Variants in MYO9B observed in about 807,000 individuals in gnomAD.
The protein encoded by MYO9B is myosin IXB.
A neutral mutation model predicts 229.5 loss-of-function variants in MYO9B; 71 were observed. The ratio of observed to expected loss-of-function variants is 0.31; its 90% CI spans 0.26 to 0.38. The LOEUF is 0.38. MYO9B is among the 10% of genes least tolerant of loss of function. MYO9B has a pLI of 1.00. For missense variants in MYO9B, 2,255 were observed against 2,920.5 expected, an observed-to-expected ratio of 0.77 and a Z score of 5.25; for synonymous variants, 1,185 against 1,235.8, an observed-to-expected ratio of 0.96 and a Z score of 0.86.
chr19:17,168,067 G>A lies in MYO9B; in HGVS notation c.1793+3G>A. 1 of 1,612,430 alleles carries A rather than the reference G, an allele frequency of 6.2e-7. No individual in the cohort carries two copies. The highest frequency in any genetic ancestry group is 1.1e-5 in the South Asian group (1 of 90,710). On this transcript the variant is annotated splice_donor_region_variant and intron_variant, in intron 11 of 39. Coordinates refer to ENST00000682292, the MANE Select transcript of MYO9B (RefSeq NM_004145.4). ...TACCTGCTGGACGAGGAGAGCAAGT[G>A]AGTGTCCACACCCCGTCCATCCCGG...
chr19:17,103,992 G>T (rs1599326164), intron 2 of MYO9B, among the ~76,000 whole-genome samples: 1 of 150,818 alleles, frequency 6.6e-6, no homozygotes, highest in Non-Finnish European at 1.5e-5. Context: ...GTAGGTGGAG[G>T]TTGCAGTGAG....
At chr19:17,109,112 C>T (rs938641174) in intron 2 of MYO9B, among the ~76,000 whole-genome samples, 1 of 151,016 alleles carries the variant, frequency 6.6e-6, no homozygotes, top group African/African-American at 2.4e-5. Context: ...TGTCTCCGGG[C>T]TGGAGTGCAG....
chr19:17,157,481 C>T (rs2072549831), intron 7 of MYO9B: 1 of 160,400 alleles, frequency 6.2e-6, no homozygotes, highest in Admixed American at 6.2e-5. Flanking sequence ...ATCACTTGAA[C>T]CTGGGAGGCA....
Position 17,157,084 on chromosome 19 carries a change from G to T in MYO9B, c.1329+46G>T, listed in dbSNP as rs377604584. The T allele has an allele frequency of 2.5e-5, 39 of 1,588,862 alleles. No individual in the cohort carries two copies. In the African/African-American group the frequency reaches 4.7e-4, roughly 19 times the overall value. On this transcript the variant is annotated intron_variant, in intron 7 of 39. Coordinates refer to ENST00000682292, the MANE Select transcript of MYO9B (RefSeq NM_004145.4). ...CCCTTCTCAGGCCTGGCTCAGGGCC[G>T]CTGGCTATCTCTCAGTACGAGGGAC...
At chr19:17,087,374 T>C (rs2057593125) in intron 1 of MYO9B, among the ~76,000 whole-genome samples, 1 of 152,168 alleles carries the variant, frequency 6.6e-6, no homozygotes, top group Non-Finnish European at 1.5e-5. Flanking sequence ...AGGGACAAAC[T>C]GAACACGTTC....
At chr19:17,198,544 G>C (rs2073072228) in intron 24 of MYO9B, among the ~76,000 whole-genome samples, 1 of 152,078 alleles carries the variant, frequency 6.6e-6, no homozygotes, top group Non-Finnish European at 1.5e-5. Flanking sequence ...AGACCAACCA[G>C]GCCAACATGG....
intron 3 of MYO9B, among the ~76,000 whole-genome samples, chr19:17,146,259 A>G (rs186855258): frequency 6.6e-6 from 1 of 151,588 alleles, no homozygotes; most frequent in East Asian, 1.9e-4. Flanking sequence ...GGATGGATGC[A>G]TTCATGAGTG....
chr19:17,160,648 C>T (rs2072589701), intron 8 of MYO9B, among the ~76,000 whole-genome samples: 1 of 151,742 alleles, frequency 6.6e-6, no homozygotes, highest in African/African-American at 2.4e-5. Context: ...GCTGGGATTA[C>T]AGGTGTGCGC....
At position 17,212,099 on chromosome 19, in the gene MYO9B, G is replaced by T; in HGVS notation, c.6263G>T (p.Arg2088Leu). 4.4e-6 allele frequency: 7 copies of T among 1,589,630 alleles called. No homozygotes were observed. In the South Asian group the frequency reaches 4.5e-5, roughly 10 times the overall value. ...CTGCCTCGCTGGGCACCGGGTGCCCGGGAGGCGGCTGCCCCAGTGCGGCGC... is the reference window on the plus strand; with the variant it reads ...CTGCCTCGCTGGGCACCGGGTGCCCTGGAGGCGGCTGCCCCAGTGCGGCGC... Reference protein sequence around the residue: ...SHLPRWAPGAREAAAPVRRRE... With the variant: ...SHLPRWAPGALEAAAPVRRRE... Residue 2088 changes from arginine to leucine, a missense_variant, in exon 40 of 40, where the codon CGG becomes CTG. By Grantham distance (102) the Arg-to-Leu change is moderately radical. Coordinates refer to ENST00000682292, the MANE Select transcript of MYO9B (RefSeq NM_004145.4). This position sits in a 1 kb window ranked among gnomAD's most constrained non-coding sequence, Gnocchi z 5.4.
intron 6 of MYO9B, among the ~76,000 whole-genome samples, chr19:17,156,448 A>G (rs192768308): frequency 3.9e-5 from 6 of 152,188 alleles, no homozygotes; most frequent in African/African-American, 7.2e-5. Flanking sequence ...AGCCAGGTGC[A>G]GTGGCTCGTG....
intron 2 of MYO9B, among the ~76,000 whole-genome samples, chr19:17,140,723 G>A (rs1345445295): frequency 6.6e-6 from 1 of 151,062 alleles, no homozygotes; most frequent in African/African-American, 2.4e-5. Flanking sequence ...CCTGACCTCA[G>A]GTGATCCGCC....
In MYO9B at chr19:17,145,412, A is replaced by G. The variant is rs2072396991; in HGVS notation, c.856A>G (p.Lys286Glu). 1 of 1,614,034 alleles carries G rather than the reference A, an allele frequency of 6.2e-7. No homozygotes were observed. The highest frequency in any genetic ancestry group is 2.2e-5 in the East Asian group (1 of 44,888). Residue 286 changes from lysine (K) to glutamate (E), a missense_variant, in exon 3 of 40, where the codon AAG becomes GAG. Lys to Glu is a moderately conservative substitution (Grantham distance 56). Around this residue, in one of 7 missense-constraint regions of MYO9B, gnomAD observed 386 missense variants for 515.2 expected, o/e 0.75. Coordinates refer to ENST00000682292, the MANE Select transcript of MYO9B (RefSeq NM_004145.4). ...TTCCTTGCAGGCTTTTGGAAATGCC[A>G]AGACAGCCCACAACAACAACTCCAG... The part of the protein sequence containing the change: ...GPVLEAFGNA[K>E]TAHNNNSSRF...
Position 17,127,880 on chromosome 19 carries a change from C to T in MYO9B, c.841-17517C>T, listed in dbSNP as rs375141775. On this transcript the variant is annotated intron_variant, in intron 2 of 39. Coordinates refer to ENST00000682292, the MANE Select transcript of MYO9B (RefSeq NM_004145.4). ...CCCTTCGCAGAACAAGTTTACTGGC[C>T]CCTGATTCACACAGAAAATCCCGCT... Among the ~76,000 whole-genome samples the T allele has an allele frequency of 1.1e-4, 16 of 152,294 alleles. No individual in the cohort carries two copies. The South Asian group carries it at 1.4e-3, about 14-fold the overall frequency.
At chr19:17,171,406 CAGG>C (rs371567444) in intron 11 of MYO9B, among the ~76,000 whole-genome samples, 168 of 152,218 alleles carry the variant, frequency 1.1e-3, no homozygotes, top group African/African-American at 3.9e-3. Context: ...AACTGTGGAG[CAGG>C]AGAAGGACCC....
chr19:17,206,273 C>T lies in MYO9B; in HGVS notation c.5283C>T (p.Asn1761=), dbSNP rs1272502351. 7 of 1,524,856 alleles carry T rather than the reference C, an allele frequency of 4.6e-6. No individual in the cohort carries two copies. The highest frequency in any genetic ancestry group is 6.1e-6 in the Non-Finnish European group (7 of 1,141,426). The allele number at this position is 1,524,856 out of a possible 1,614,324, so 94.5% of individuals were successfully genotyped here. ...QTDPAAVKLE[N]FPIHAITGVL... The stretch of plus-strand genomic sequence containing the variant: ...ACCCCGCAGCAGTCAAGCTGGAGAA[C>T]TTCCCCATCCACGCCATCACAGGGG... The change falls in exon 33 of 40, where the codon AAC becomes AAT. Residue 1761 remains asparagine (N), a synonymous_variant. Transcript: ENST00000682292.
chr19:17,118,540 G>A (rs529643693), intron 2 of MYO9B, among the ~76,000 whole-genome samples: 1 of 151,862 alleles, frequency 6.6e-6, no homozygotes, highest in Non-Finnish European at 1.5e-5. Context: ...GGAGTGTAGT[G>A]GTGCGATCTT....
intron 25 of MYO9B, 37 bp downstream of exon 25, chr19:17,200,463 C>T (rs372995144): frequency 5.8e-6 from 9 of 1,544,620 alleles, no homozygotes; most frequent in Middle Eastern, 2.1e-4. Flanking sequence ...GACAGTAGAG[C>T]CACCAGTGCC....
intron 6 of MYO9B, 36 bp downstream of exon 6, chr19:17,154,451 G>C (rs1388011851): frequency 1.3e-6 from 2 of 1,525,496 alleles, no homozygotes; most frequent in Non-Finnish European, 9.0e-7. Context: ...GTCCCCCAGA[G>C]CCTACAGGGG....
At chr19:17,118,847 T>C (rs1188478804) in intron 2 of MYO9B, among the ~76,000 whole-genome samples, 1 of 152,060 alleles carries the variant, frequency 6.6e-6, no homozygotes, top group African/African-American at 2.4e-5. Flanking sequence ...GGGAGCTGTT[T>C]GTGGAAGGTG....
Sources: allele counts gnomAD v4.1 joint callset (sites outside exome capture counted in the v4.1 genomes callset), GRCh38; gene constraint gnomAD v4.1.1; regional missense constraint gnomAD v4.1.1; non-coding constraint Gnocchi (gnomAD v3.1); transcripts MANE v1.5; gene names NCBI Gene and HGNC (gene_info 2026-07-23, HGNC 2026-07-21).